CLCN5: variants seen among roughly 807,000 people sequenced by gnomAD.
The protein encoded by CLCN5 is H(+)/Cl(-) exchange transporter 5.
Under a neutral mutation model 54.0 loss-of-function variants are expected in CLCN5, and 17 were observed. That is an observed-to-expected ratio of 0.31 (90% confidence interval 0.22 to 0.47). The LOEUF (loss-of-function observed/expected upper bound fraction) is 0.47, where lower values mean the gene tolerates loss of function less well. Among genes scored for constraint, CLCN5 ranks in the 20% least tolerant of loss-of-function variants. CLCN5 has a pLI of 1.00. For synonymous variants in CLCN5, 222 were observed against 233.0 expected (o/e 0.95, Z 0.43); for missense variants, 448 against 646.7 (o/e 0.69, Z 3.33).
intron 4 of CLCN5, among the ~76,000 whole-genome samples, chrX:50,059,649 A>G (rs1245445372): frequency 9.1e-6 from 1 of 110,458 alleles, no homozygotes; most frequent in African/African-American, 3.3e-5. Context: ...AGCATGTCAA[A>G]CTCTGATACT....
chrX:49,989,171 C>T (rs782345198), intron 3 of CLCN5, among the ~76,000 whole-genome samples: 1 of 109,644 alleles, frequency 9.1e-6, no homozygotes, highest in South Asian at 4.0e-4. Flanking sequence ...CTCCTGGGCT[C>T]AAGCAGTCCT....
intron 6 of CLCN5, among the ~76,000 whole-genome samples, chrX:50,074,412 T>C (rs1429963706): frequency 9.0e-6 from 1 of 110,849 alleles, no homozygotes; most frequent in African/African-American, 3.3e-5. Flanking sequence ...GAAGACAGGA[T>C]TGAGGGTACC....
Position 50,080,585 on chromosome X carries a change from C to G in CLCN5, c.604-9C>G, listed in dbSNP as rs1569540225. The G allele has an allele frequency of 8.3e-7, 1 of 1,207,947 alleles. No homozygotes were observed. Among genetic ancestry groups the G allele is most frequent in the Non-Finnish European group, 1.1e-6 (1 of 893,451 alleles). ...GGCTAAAACAAGCTTCTTTTTCCCC[C>G]TGTTCCAGGGAGCCTTTGCCTACAT... On this transcript the variant is annotated splice_polypyrimidine_tract_variant and intron_variant, in intron 7 of 14. Coordinates refer to ENST00000376091, the MANE Select transcript of CLCN5 (RefSeq NM_001127898.4).
chrX:49,927,021 G>A (rs1421235714), intron 3 of CLCN5, among the ~76,000 whole-genome samples: 3 of 111,274 alleles, frequency 2.7e-5, no homozygotes, highest in Non-Finnish European at 5.7e-5. Context: ...TGGGGAGCAT[G>A]GGAGGCAGCT....
intron 4 of CLCN5, among the ~76,000 whole-genome samples, chrX:50,063,511 T>C (rs1188600261): frequency 9.4e-6 from 1 of 106,479 alleles, no homozygotes; most frequent in Admixed American, 9.7e-5. Context: ...ATTGTGGCAA[T>C]AATCAATAGT....
chrX:49,992,188 G>A, intron 3 of CLCN5, among the ~76,000 whole-genome samples: 1 of 107,176 alleles, frequency 9.3e-6, no homozygotes, highest in Admixed American at 1.0e-4. Flanking sequence ...CTCTCTTGGG[G>A]TCTCTCCCTC....
intron 3 of CLCN5, among the ~76,000 whole-genome samples, chrX:50,015,799 C>G (rs1930760988): frequency 9.0e-6 from 1 of 110,830 alleles, no homozygotes; most frequent in African/African-American, 3.3e-5. Flanking sequence ...TTATAGTGTT[C>G]AGGTCAGCGT....
At chrX:50,066,161 A>AT (rs1236498282) in intron 4 of CLCN5, among the ~76,000 whole-genome samples, 1 of 93,046 alleles carries the variant, frequency 1.1e-5, no homozygotes, top group Non-Finnish European at 2.1e-5. Context: ...TTAAAGTATA[A>AT]TTAAAAAAAA....
intron 3 of CLCN5, among the ~76,000 whole-genome samples, chrX:50,003,936 G>A (rs193128305): frequency 3.0e-4 from 33 of 111,814 alleles, no homozygotes; most frequent in African/African-American, 1.1e-3. Flanking sequence ...CACAAACCCA[G>A]TTTGTGAGGA....
At chrX:49,995,537 G>A (rs186412366) in intron 3 of CLCN5, among the ~76,000 whole-genome samples, 1 of 111,774 alleles carries the variant, frequency 8.9e-6, no homozygotes, top group African/African-American at 3.3e-5. Context: ...GCGAGTCATA[G>A]CAGAGACATT....
intron 3 of CLCN5, among the ~76,000 whole-genome samples, chrX:49,941,652 C>G (rs1439284083): frequency 1.8e-5 from 2 of 111,026 alleles, no homozygotes; most frequent in African/African-American, 6.6e-5. Context: ...GACATAACCT[C>G]CAGGTCCAGG....
intron 3 of CLCN5, among the ~76,000 whole-genome samples, chrX:49,961,351 A>G (rs1374214388): frequency 8.9e-6 from 1 of 112,227 alleles, no homozygotes; most frequent in Non-Finnish European, 1.9e-5. Context: ...ATATTTAAAT[A>G]CATTCTAAAC....
At chrX:50,065,906 G>A (rs1227023909) in intron 4 of CLCN5, among the ~76,000 whole-genome samples, 58 of 97,080 alleles carry the variant, frequency 6.0e-4, no homozygotes, top group Middle Eastern at 5.6e-3. Flanking sequence ...GTAAACTATC[G>A]CAACAACAAA....
intron 3 of CLCN5, among the ~76,000 whole-genome samples, chrX:50,032,707 G>GAA (rs1931774558): frequency 9.1e-6 from 1 of 109,345 alleles, no homozygotes; most frequent in Non-Finnish European, 1.9e-5. Context: ...TTTGCTGTGC[G>GAA]GAAGCTCTTG....
chrX:50,090,935 G>A (rs1557194746), intron 14 of CLCN5, 49 bp downstream of exon 14: 2 of 1,040,935 alleles, frequency 1.9e-6, no homozygotes, highest in South Asian at 3.8e-5. Flanking sequence ...GAAAGAGAAT[G>A]CAGAGATAGA....
rs373671844 is a variant in CLCN5, at chrX:50,042,272, T to A, written c.17-44T>A. Reference sequence around the variant, plus strand: ...ATGGCAAATGTTACGTGTAAGGGACTTGAAGATCATTGTTATAAGCCTCCT... The same window carrying A: ...ATGGCAAATGTTACGTGTAAGGGACATGAAGATCATTGTTATAAGCCTCCT... On this transcript the variant is annotated intron_variant, in intron 3 of 14. Transcript: ENST00000376091. 8 of 746,418 alleles carry A rather than the reference T, an allele frequency of 1.1e-5. No homozygotes were observed. In the African/African-American group the frequency reaches 1.7e-4, roughly 16 times the overall value. The allele number at this position is 746,418 out of a possible 1,213,427, so 61.5% of individuals were successfully genotyped here. A position where few individuals can be genotyped will look rare whatever the true frequency, so the allele number is the denominator to read the frequency against.
intron 4 of CLCN5, among the ~76,000 whole-genome samples, chrX:50,068,569 GT>G (rs1414418125): frequency 9.5e-6 from 1 of 105,121 alleles, no homozygotes; most frequent in African/African-American, 3.5e-5. Flanking sequence ...GCTGACTTAG[GT>G]ATTCAGAAGA....
At chrX:49,998,121 T>C (rs782055136) in intron 3 of CLCN5, among the ~76,000 whole-genome samples, 1 of 111,152 alleles carries the variant, frequency 9.0e-6, no homozygotes, top group African/African-American at 3.3e-5. Flanking sequence ...CATAGTGTCC[T>C]GGTTAATCCT....
At chrX:49,961,162 C>G (rs1393641152) in intron 3 of CLCN5, among the ~76,000 whole-genome samples, 1 of 112,098 alleles carries the variant, frequency 8.9e-6, no homozygotes, top group Admixed American at 9.4e-5. Flanking sequence ...TTCTTCTATT[C>G]CAGGGTGGTT....
Sources: gnomAD v4.1 joint callset for allele counts (sites outside exome capture counted in the v4.1 genomes callset) on GRCh38, gnomAD v4.1.1 for gene constraint, MANE v1.5 for transcripts, NCBI Gene and HGNC (gene_info 2026-07-23, HGNC 2026-07-21) for gene names.